The following TENM1 variants were observed in gnomAD, a reference collection of about 807,000 sequenced individuals.
The protein encoded by TENM1 is teneurin transmembrane protein 1.
A neutral mutation model predicts 174.8 loss-of-function variants in TENM1; 35 were observed. That is an observed-to-expected ratio of 0.20 (90% CI 0.15 to 0.27). TENM1 has a LOEUF of 0.27. Among genes scored for constraint, TENM1 ranks in the 10% least tolerant of loss-of-function variants. The pLI, the probability that TENM1 is intolerant of heterozygous loss-of-function variation, is 1.00. For missense variants in TENM1, 1,633 were observed against 2,130.1 expected (o/e 0.77, Z 4.59); for synonymous variants, 781 against 798.7 (o/e 0.98, Z 0.37).
chrX:124,592,687 C>A lies in TENM1; in HGVS notation c.2078-27127G>T, dbSNP rs192117536. ...TGACCTCAGGCGATCTGCTCCCCAC[C>A]CCACCGCTCCCCTTGGCCTCCCAAA... On this transcript the variant is annotated intron_variant, in intron 11 of 31. Coordinates refer to ENST00000422452, the Ensembl canonical transcript of TENM1. Among the ~76,000 whole-genome samples, 301 of 109,886 alleles carry A rather than the reference C, an allele frequency of 2.7e-3. 1 individual carries two copies. Among genetic ancestry groups the A allele is most frequent in the African/African-American group, 7.8e-3 (236 of 30,181 alleles).
At chrX:124,633,209 T>C (rs771623662) in intron 11 of TENM1, among the ~76,000 whole-genome samples, 22 of 112,453 alleles carry the variant, frequency 2.0e-4, no homozygotes, top group Admixed American at 4.7e-4. Context: ...GATTTACCTG[T>C]TTTCTTTTGA....
At chrX:125,125,339 T>A in the TENM1 span, among the ~76,000 whole-genome samples, 1 of 112,221 alleles carries the variant, frequency 8.9e-6, no homozygotes, top group Admixed American at 9.5e-5. Flanking sequence ...AAATATGATT[T>A]TTAAAAATTA....
the TENM1 span, among the ~76,000 whole-genome samples, chrX:125,162,404 C>G: frequency 8.0e-5 from 9 of 112,331 alleles, no homozygotes; most frequent in Non-Finnish European, 5.6e-5. Flanking sequence ...GATATGTGCT[C>G]TTTCTACTAC....
At chrX:124,625,591 G>T (rs2050617450) in intron 11 of TENM1, among the ~76,000 whole-genome samples, 1 of 111,281 alleles carries the variant, frequency 9.0e-6, no homozygotes, top group Admixed American at 9.6e-5. Flanking sequence ...ATTAGCTCAC[G>T]GTTCTGCAAG....
intron 1 of TENM1, 149 bp downstream of exon 4, chrX:124,963,388 C>T (rs935280283): frequency 6.1e-6 from 3 of 495,811 alleles, no homozygotes; most frequent in African/African-American, 4.8e-5. Flanking sequence ...GCTGGGCTGA[C>T]ATATGCAATA....
At chrX:124,821,065 T>A (rs548460530) in intron 3 of TENM1, among the ~76,000 whole-genome samples, 1 of 112,407 alleles carries the variant, frequency 8.9e-6, no homozygotes, top group South Asian at 3.7e-4. Context: ...TTCTCCTAAT[T>A]TTCAAATTTC....
intron 8 of TENM1, among the ~76,000 whole-genome samples, chrX:124,648,538 C>T (rs936890407): frequency 4.5e-5 from 5 of 112,318 alleles, no homozygotes; most frequent in Non-Finnish European, 7.5e-5. Flanking sequence ...CTATTTTTAA[C>T]TCATTAAAAC....
chrX:124,953,721 A>G (rs2058527492), intron 1 of TENM1, among the ~76,000 whole-genome samples: 1 of 111,976 alleles, frequency 8.9e-6, no homozygotes, highest in South Asian at 3.7e-4. Flanking sequence ...TGTGACACTT[A>G]GCCAGGGAGT....
intron 1 of TENM1, among the ~76,000 whole-genome samples, chrX:124,920,841 C>T (rs2058008379): frequency 9.2e-6 from 1 of 109,250 alleles, no homozygotes; most frequent in African/African-American, 3.3e-5. Flanking sequence ...TTGTATGTAC[C>T]AGATATTATC....
At chrX:124,404,065 G>A (rs1224396013) in intron 27 of TENM1, among the ~76,000 whole-genome samples, 1 of 111,737 alleles carries the variant, frequency 8.9e-6, no homozygotes, top group African/African-American at 3.3e-5. Context: ...CTGTAAGGGC[G>A]CACCCTTCTA....
At chrX:125,001,277 G>A in the TENM1 span, among the ~76,000 whole-genome samples, 2 of 111,065 alleles carry the variant, frequency 1.8e-5, no homozygotes, top group Non-Finnish European at 3.8e-5. Flanking sequence ...TAACTCCTCT[G>A]GTCTGGCAGC....
intron 5 of TENM1, among the ~76,000 whole-genome samples, chrX:124,675,640 C>G (rs1395553537): frequency 1.2e-5 from 1 of 86,877 alleles, no homozygotes; most frequent in East Asian, 3.5e-4. Context: ...GCAGCAAAAA[C>G]ATAAAAAAAC....
chrX:124,929,268 T>G (rs1342819295), intron 1 of TENM1, among the ~76,000 whole-genome samples: 1 of 112,136 alleles, frequency 8.9e-6, no homozygotes, highest in Non-Finnish European at 1.9e-5. Flanking sequence ...TGATTAAATA[T>G]AGCCTTGTCA....
At chrX:124,997,291 AT>A in the TENM1 span, among the ~76,000 whole-genome samples, 1 of 111,798 alleles carries the variant, frequency 8.9e-6, no homozygotes, top group Non-Finnish European at 1.9e-5. Flanking sequence ...TTCAAAGTGA[AT>A]GAGCTGAATT....
At chrX:124,990,927 A>G in the TENM1 span, among the ~76,000 whole-genome samples, 4 of 111,516 alleles carry the variant, frequency 3.6e-5, no homozygotes, top group Admixed American at 3.8e-4. Context: ...CTTAAGTAGC[A>G]AACTCCCTTG....
the TENM1 span, among the ~76,000 whole-genome samples, chrX:125,193,377 T>C: frequency 8.9e-6 from 1 of 112,011 alleles, no homozygotes; most frequent in African/African-American, 3.2e-5. Context: ...AAGTGATGTG[T>C]AGGTATTGTA....
intron 11 of TENM1, among the ~76,000 whole-genome samples, chrX:124,627,743 T>C (rs944233261): frequency 1.8e-5 from 2 of 112,099 alleles, no homozygotes; most frequent in Non-Finnish European, 3.8e-5. Flanking sequence ...TCTCCATAGG[T>C]CTTCTGGCTG....
intron 23 of TENM1, among the ~76,000 whole-genome samples, chrX:124,452,119 C>T (rs2061045503): frequency 8.9e-6 from 1 of 112,426 alleles, no homozygotes; most frequent in Non-Finnish European, 1.9e-5. Context: ...TTGCTATCTA[C>T]TCATCTGACA....
At chrX:124,896,095 T>C in exon 2 of TENM1, 1 of 1,211,458 alleles carries the variant, frequency 8.3e-7, no homozygotes, top group Non-Finnish European at 1.1e-6. Flanking sequence ...ATCCACATTC[T>C]TAGTGCATGG....
Sources: allele counts gnomAD v4.1 joint callset (sites outside exome capture counted in the v4.1 genomes callset), GRCh38; gene constraint gnomAD v4.1.1; transcripts MANE v1.5; gene names NCBI Gene and HGNC (gene_info 2026-07-23, HGNC 2026-07-21).